Variants in BLNK observed in about 807,000 individuals in gnomAD.
The protein encoded by BLNK is B-cell linker protein.
BLNK carries 29 observed loss-of-function variants against 73.5 expected under a neutral mutation model. The observed-to-expected ratio is 0.39, with a 90% CI of 0.29 to 0.54. The LOEUF is 0.54. Ranked by LOEUF, BLNK falls within the 20% of genes least tolerant of loss-of-function variation. The pLI is 0.61. For missense variants in BLNK, 460 were observed against 562.8 expected (o/e 0.82, Z 1.85); for synonymous variants, 176 against 200.8 (o/e 0.88, Z 1.04).
At chr10:96,253,642 G>A (rs1270889808) in intron 1 of BLNK, among the ~76,000 whole-genome samples, 4 of 152,176 alleles carry the variant, frequency 2.6e-5, no homozygotes, top group Non-Finnish European at 5.9e-5. Flanking sequence ...ATTCCAGATA[G>A]AGCCCAGCAA....
chr10:96,220,406 C>T (rs372092869), intron 6 of BLNK, among the ~76,000 whole-genome samples: 8 of 152,168 alleles, frequency 5.3e-5, no homozygotes, highest in African/African-American at 1.7e-4. Context: ...AAAAAAGACT[C>T]GATCCAGTCT....
At chr10:96,216,026 G>A (rs1347675271) in intron 7 of BLNK, 4 of 162,004 alleles carry the variant, frequency 2.5e-5, no homozygotes, top group African/African-American at 9.6e-5. Flanking sequence ...GTTGAGAGTA[G>A]TAGATGAGTA....
intron 5 of BLNK, among the ~76,000 whole-genome samples, 160 bp from the exon 6 acceptor site, chr10:96,224,149 C>T (rs2084266421): frequency 6.6e-6 from 1 of 152,258 alleles, no homozygotes; most frequent in South Asian, 2.1e-4. Flanking sequence ...ATGTTAGGCC[C>T]AAAATTTCAA....
intron 12 of BLNK, 150 bp from the exon 13 acceptor site, chr10:96,204,238 C>T (rs782359501): frequency 1.5e-5 from 13 of 885,674 alleles, no homozygotes; most frequent in African/African-American, 6.7e-5. Flanking sequence ...AAAAGAGCCA[C>T]CAAAACCTTA....
At position 96,251,217 on chromosome 10, in the gene BLNK, G is replaced by T. The variant is rs187091882; in HGVS notation, c.48-4168C>A. Reference sequence around the variant, plus strand: ...CTGCCAAACTTCTGTGATCTGGGAAGACATAGTGACCCAAAACCAAGATTT... The same window carrying T: ...CTGCCAAACTTCTGTGATCTGGGAATACATAGTGACCCAAAACCAAGATTT... On this transcript the variant is annotated intron_variant, in intron 1 of 16. Transcript: ENST00000224337. Among the ~76,000 whole-genome samples the T allele has an allele frequency of 2.6e-4, 39 of 152,310 alleles. No homozygotes were observed. In the East Asian group the frequency reaches 6.6e-3, roughly 26 times the overall value.
At chr10:96,236,845 A>G (rs1564838192) in intron 3 of BLNK, among the ~76,000 whole-genome samples, 1 of 151,254 alleles carries the variant, frequency 6.6e-6, no homozygotes, top group Non-Finnish European at 1.5e-5. Context: ...AAAAAGAAAT[A>G]CTTATCATCG....
chr10:96,243,508 CT>C (rs1842940960), intron 2 of BLNK, among the ~76,000 whole-genome samples: 1 of 152,186 alleles, frequency 6.6e-6, no homozygotes, highest in East Asian at 1.9e-4. Context: ...GATCACGCCC[CT>C]GTACTCCAGC....
chr10:96,228,458 T>C (rs371607921), intron 4 of BLNK, among the ~76,000 whole-genome samples: 12 of 152,184 alleles, frequency 7.9e-5, no homozygotes, highest in African/African-American at 2.4e-4. Context: ...GGTTTCACCA[T>C]GTTGGCCAGG....
At chr10:96,230,890 C>T (rs1842476469) in intron 3 of BLNK, 56 bp from the exon 4 acceptor site, 2 of 1,579,180 alleles carry the variant, frequency 1.3e-6, no homozygotes, top group Non-Finnish European at 1.7e-6. Flanking sequence ...CTGGCCAGCC[C>T]CAGCCCATCC....
At chr10:96,211,872 G>A (rs1429800123) in intron 8 of BLNK, among the ~76,000 whole-genome samples, 1 of 152,160 alleles carries the variant, frequency 6.6e-6, no homozygotes, top group Non-Finnish European at 1.5e-5. Context: ...ACCCTTGACT[G>A]CAATAGAATT....
intron 6 of BLNK, among the ~76,000 whole-genome samples, chr10:96,219,427 C>T (rs1324293037): frequency 1.3e-5 from 2 of 152,138 alleles, no homozygotes; most frequent in African/African-American, 2.4e-5. Flanking sequence ...AGAGGCTGAG[C>T]CCCCAGGAGG....
At chr10:96,256,686 G>C (rs1489657988) in intron 1 of BLNK, among the ~76,000 whole-genome samples, 1 of 152,070 alleles carries the variant, frequency 6.6e-6, no homozygotes, top group East Asian at 1.9e-4. Context: ...TTCAAGACCA[G>C]CCTGGCCAAC....
rs545110108 is a variant in BLNK, at chr10:96,255,931, CTCAG to C, written c.48-8886_48-8883del. ...ATCAAGCCTGAGCTTTTTGTCATGG[CTCAG>C]TCACTCAGTCTCACCCTGAGCTCCA... On this transcript the variant is annotated intron_variant, in intron 1 of 16. Transcript: ENST00000224337. 3.7e-3 allele frequency among the ~76,000 whole-genome samples: 568 copies of C among 152,326 alleles called. 2 individuals carry two copies. Among genetic ancestry groups the C allele is most frequent in the Non-Finnish European group, 5.9e-3 (404 of 68,028 alleles).
intron 8 of BLNK, among the ~76,000 whole-genome samples, chr10:96,214,409 G>C (rs1468671567): frequency 6.6e-6 from 1 of 152,178 alleles, no homozygotes; most frequent in Non-Finnish European, 1.5e-5. Flanking sequence ...GTAACATCTG[G>C]AGGAGTTCAG....
intron 9 of BLNK, 115 bp from the exon 10 acceptor site, chr10:96,208,014 T>G (rs1421621047): frequency 3.6e-6 from 4 of 1,111,584 alleles, no homozygotes; most frequent in Non-Finnish European, 5.5e-6. Flanking sequence ...TACAAGTGTG[T>G]AGAAGACTAT....
At chr10:96,211,210 G>A (rs1281462786) in intron 8 of BLNK, among the ~76,000 whole-genome samples, 1 of 152,142 alleles carries the variant, frequency 6.6e-6, no homozygotes, top group African/African-American at 2.4e-5. Context: ...AGTACAGGCT[G>A]GACCTGCTGC....
At chr10:96,266,938 T>G (rs1554914416) in intron 1 of BLNK, among the ~76,000 whole-genome samples, 1 of 152,194 alleles carries the variant, frequency 6.6e-6, no homozygotes, top group East Asian at 1.9e-4. Flanking sequence ...TCTCACTTGG[T>G]CTTCACACAA....
intron 1 of BLNK, among the ~76,000 whole-genome samples, chr10:96,263,091 C>T (rs1395870650): frequency 3.3e-5 from 5 of 152,150 alleles, no homozygotes; most frequent in African/African-American, 7.2e-5. Context: ...AGGCAAGGCC[C>T]GAGTCCTCAT....
chr10:96,217,390 GT>G (rs1466651555), intron 6 of BLNK, among the ~76,000 whole-genome samples: 1 of 152,204 alleles, frequency 6.6e-6, no homozygotes, highest in Non-Finnish European at 1.5e-5. Flanking sequence ...CTGCCAAACT[GT>G]TTTCCAAAGA....
Sources: allele counts gnomAD v4.1 joint callset (sites outside exome capture counted in the v4.1 genomes callset), GRCh38; gene constraint gnomAD v4.1.1; transcripts MANE v1.5; gene names NCBI Gene and HGNC (gene_info 2026-07-23, HGNC 2026-07-21).